The following ROBO2 variants were observed in gnomAD, a reference collection of about 807,000 sequenced individuals.
ROBO2 encodes the protein roundabout homolog 2.
A neutral mutation model predicts 160.8 loss-of-function variants in ROBO2; 53 were observed. That is an observed-to-expected ratio of 0.33 (90% CI 0.26 to 0.41). The LOEUF (loss-of-function observed/expected upper bound fraction) is 0.41. ROBO2 is among the 10% of genes least tolerant of loss of function. The pLI, the probability that ROBO2 is intolerant of heterozygous loss-of-function variation, is 1.00. For synonymous variants in ROBO2, 664 were observed against 611.7 expected (o/e 1.09, Z -1.26); for missense variants, 1,577 against 1,722.4 (o/e 0.92, Z 1.49).
intron 24 of ROBO2, among the ~76,000 whole-genome samples, chr3:77,641,743 A>G (rs2095354070): frequency 6.6e-6 from 1 of 152,192 alleles, no homozygotes; most frequent in Non-Finnish European, 1.5e-5. Context: ...TCAGCAAAGT[A>G]ATTTCAGAAC....
At chr3:76,521,940 C>G (rs917472538) in intron 2 of ROBO2, among the ~76,000 whole-genome samples, 6 of 152,074 alleles carry the variant, frequency 3.9e-5, no homozygotes, top group African/African-American at 1.4e-4. Flanking sequence ...ATATGTGCAT[C>G]TATATGTGGC....
upstream of ROBO2, among the ~76,000 whole-genome samples, chr3:77,035,539 C>T (rs1274035961): frequency 1.3e-5 from 2 of 151,864 alleles, no homozygotes; most frequent in East Asian, 1.9e-4. Context: ...TGAACTATTA[C>T]TATATTTTAG....
intron 2 of ROBO2, among the ~76,000 whole-genome samples, chr3:77,379,635 G>A (rs1403252149): frequency 2.6e-5 from 4 of 152,114 alleles, no homozygotes; most frequent in Non-Finnish European, 4.4e-5. Flanking sequence ...AATAATAAAT[G>A]ACGTTTATCC....
intron 2 of ROBO2, among the ~76,000 whole-genome samples, chr3:77,211,534 C>T (rs148989207): frequency 0.027 from 4,073 of 151,408 alleles, 169 homozygotes; most frequent in African/African-American, 0.092. Flanking sequence ...ATTCTGTTCA[C>T]TCTGATGGTA....
At chr3:76,130,541 G>A (rs2071186446) in intron 2 of ROBO2, among the ~76,000 whole-genome samples, 1 of 152,058 alleles carries the variant, frequency 6.6e-6, no homozygotes. Context: ...TATCACTGAT[G>A]CCATGCCAGA....
chr3:76,208,595 GTAACTCCATC>G (rs1171815527), intron 2 of ROBO2, among the ~76,000 whole-genome samples: 2 of 152,050 alleles, frequency 1.3e-5, no homozygotes, highest in East Asian at 3.9e-4. Flanking sequence ...GAACGCTAAA[GTAACTCCATC>G]TGAGAAAATA....
intron 13 of ROBO2, among the ~76,000 whole-genome samples, chr3:77,572,209 T>C (rs1239161052): frequency 6.6e-6 from 1 of 152,054 alleles, no homozygotes; most frequent in Non-Finnish European, 1.5e-5. Flanking sequence ...AGTTATGTCT[T>C]TCTTTCAGTA....
At chr3:77,045,757 T>C (rs896493664) in intron 1 of ROBO2, among the ~76,000 whole-genome samples, 2 of 152,242 alleles carry the variant, frequency 1.3e-5, no homozygotes, top group African/African-American at 2.4e-5. Context: ...AAAGAAACTA[T>C]GTAGCTTGTT....
At chr3:76,511,838 G>A (rs147233907) in intron 2 of ROBO2, among the ~76,000 whole-genome samples, 1 of 152,230 alleles carries the variant, frequency 6.6e-6, no homozygotes, top group Non-Finnish European at 1.5e-5. Flanking sequence ...GAGCCCATCA[G>A]TAAGTGGGAA....
At chr3:76,437,638 T>A (rs1053341225) in intron 2 of ROBO2, among the ~76,000 whole-genome samples, 2 of 152,168 alleles carry the variant, frequency 1.3e-5, no homozygotes, top group Admixed American at 6.6e-5. Flanking sequence ...ATACTTGTTA[T>A]CTTAAAAATT....
chr3:76,182,664 G>T (rs931582), intron 2 of ROBO2, among the ~76,000 whole-genome samples: 5 of 151,828 alleles, frequency 3.3e-5, no homozygotes, highest in Admixed American at 2.6e-4. Context: ...TTATCACTCC[G>T]CGACCAACCA....
chr3:77,588,960 ATCTCTT>A, intron 17 of ROBO2, 27 bp downstream of exon 18: 1 of 1,609,814 alleles, frequency 6.2e-7, no homozygotes, highest in Non-Finnish European at 8.5e-7. Context: ...AGCTAAGAAA[ATCTCTT>A]GTCTGTAGGA....
intron 2 of ROBO2, among the ~76,000 whole-genome samples, chr3:77,440,721 T>C (rs2079829429): frequency 6.6e-6 from 1 of 152,214 alleles, no homozygotes; most frequent in Non-Finnish European, 1.5e-5. Context: ...TTCCTCTTTA[T>C]TCATTCTTAC....
chr3:76,791,677 T>G (rs2063362418), intron 2 of ROBO2, among the ~76,000 whole-genome samples: 1 of 151,744 alleles, frequency 6.6e-6, no homozygotes, highest in East Asian at 2.0e-4. Flanking sequence ...ACCAACCAAC[T>G]AAGCTGCTCC....
At chr3:77,151,597 A>C (rs1560116099) in intron 2 of ROBO2, among the ~76,000 whole-genome samples, 1 of 152,180 alleles carries the variant, frequency 6.6e-6, no homozygotes, top group Non-Finnish European at 1.5e-5. Flanking sequence ...GACAGACTAC[A>C]ACTTGATTTG....
chr3:76,492,226 T>C (rs1288077973), intron 2 of ROBO2, among the ~76,000 whole-genome samples: 1 of 152,208 alleles, frequency 6.6e-6, no homozygotes, highest in Non-Finnish European at 1.5e-5. Context: ...TTTTGGGCTG[T>C]ATTAGGCTTT....
chr3:76,025,426 T>C (rs902106996), intron 2 of ROBO2, among the ~76,000 whole-genome samples: 3 of 151,656 alleles, frequency 2.0e-5, no homozygotes, highest in African/African-American at 7.2e-5. Context: ...TAGGAAAAAC[T>C]AGAAGTGAAG....
intron 2 of ROBO2, among the ~76,000 whole-genome samples, chr3:76,877,208 C>A (rs1432334398): frequency 6.6e-6 from 1 of 152,164 alleles, no homozygotes; most frequent in Non-Finnish European, 1.5e-5. Context: ...TATAACATTT[C>A]TCTGCACAGA....
At chr3:77,109,076 A>G (rs1170947525) in intron 2 of ROBO2, among the ~76,000 whole-genome samples, 1 of 152,102 alleles carries the variant, frequency 6.6e-6, no homozygotes, top group Non-Finnish European at 1.5e-5. Flanking sequence ...TCAGAATAGG[A>G]AAAGAGGAGA....
Sources: allele counts gnomAD v4.1 joint callset (sites outside exome capture counted in the v4.1 genomes callset), GRCh38; gene constraint gnomAD v4.1.1; transcripts MANE v1.5; gene names NCBI Gene and HGNC (gene_info 2026-07-23, HGNC 2026-07-21).